BRPF3: variants seen among roughly 807,000 people sequenced by gnomAD.
The protein encoded by BRPF3 is bromodomain and PHD finger-containing protein 3.
Under a neutral mutation model 102.0 loss-of-function variants are expected in BRPF3, and 18 were observed. That is an observed-to-expected ratio of 0.18 (90% CI 0.12 to 0.26). BRPF3 has a LOEUF of 0.26. Ranked by LOEUF, BRPF3 falls within the 10% of genes least tolerant of loss-of-function variation. The pLI, the probability that BRPF3 is intolerant of heterozygous loss-of-function variation, is 1.00. For synonymous variants in BRPF3, 570 were observed against 614.2 expected, an observed-to-expected ratio of 0.93 and a Z score of 1.06; for missense variants, 1,147 against 1,567.8, an observed-to-expected ratio of 0.73 and a Z score of 4.53.
chr6:36,218,370 G>T (rs1397797134), intron 9 of BRPF3, among the ~76,000 whole-genome samples: 1 of 152,050 alleles, frequency 6.6e-6, no homozygotes, highest in Non-Finnish European at 1.5e-5. Flanking sequence ...TACAGAGTTG[G>T]TTTTGCTCTT....
intron 10 of BRPF3, among the ~76,000 whole-genome samples, chr6:36,224,021 T>C (rs1050726360): frequency 2.0e-5 from 3 of 152,206 alleles, no homozygotes; most frequent in Non-Finnish European, 2.9e-5. Flanking sequence ...CTGCTATTGA[T>C]TCAATAGGTG....
At chr6:36,226,219 CAA>C (rs1768735333) in intron 11 of BRPF3, among the ~76,000 whole-genome samples, 1 of 152,198 alleles carries the variant, frequency 6.6e-6, no homozygotes, top group African/African-American at 2.4e-5. Flanking sequence ...CTTCTTGGGG[CAA>C]AGTCTATGCA....
At chr6:36,197,284 T>C (rs1198178873) in intron 1 of BRPF3, 1 of 151,692 alleles carries the variant, frequency 6.6e-6, no homozygotes, top group African/African-American at 2.4e-5. Flanking sequence ...TCCCGCCCCT[T>C]GAGCGGCCCT....
chr6:36,213,704 GAA>G (rs60749841), intron 7 of BRPF3, among the ~76,000 whole-genome samples, 174 bp from the exon 8 acceptor site: 1 of 135,298 alleles, frequency 7.4e-6, no homozygotes, highest in Non-Finnish European at 1.6e-5. Context: ...TCCTGTCTCT[GAA>G]AAAAAAAAAA....
intron 8 of BRPF3, among the ~76,000 whole-genome samples, chr6:36,216,363 G>A (rs1292934190): frequency 1.3e-5 from 2 of 152,198 alleles, no homozygotes; most frequent in African/African-American, 2.4e-5. Flanking sequence ...CTCTGTACAT[G>A]AGGCCCATCC....
chr6:36,214,150 C>T lies in BRPF3; in HGVS notation c.2753C>T (p.Thr918Ile), dbSNP rs1195562080. 1.2e-6 allele frequency: 2 copies of T among 1,614,198 alleles called. No individual in the cohort carries two copies. The highest frequency in any genetic ancestry group is 8.5e-7 in the Non-Finnish European group (1 of 1,180,040). The change falls in exon 8 of 13, where the codon ACC (threonine) becomes ATC (isoleucine). Residue 918 changes from threonine (T) to isoleucine (I), a missense_variant. Transcript: ENST00000357641. ...SLMAPDTPAGTPLSGVGRRTS... is the reference protein window; with the variant it reads ...SLMAPDTPAGIPLSGVGRRTS... ...ATGGCCCCTGACACCCCGGCCGGTA[C>T]CCCACTTAGTGGTGTGGGTCGCCGC...
intron 9 of BRPF3, among the ~76,000 whole-genome samples, chr6:36,219,024 C>T (rs576852392): frequency 7.9e-5 from 12 of 152,292 alleles, no homozygotes; most frequent in Non-Finnish European, 1.8e-4. Context: ...AATGTCATGG[C>T]CCCACCCATG....
In BRPF3 at chr6:36,232,664, A is replaced by G. The variant is rs905660427; in HGVS notation, c.*2055A>G. The G allele has an allele frequency of 5.2e-5, 8 of 152,668 alleles. No homozygotes were observed. Among genetic ancestry groups the G allele is most frequent in the African/African-American group, 1.9e-4 (8 of 41,458 alleles). The allele number at this position is 152,668 out of a possible 1,614,324, so 9.5% of individuals were successfully genotyped here. A position where few individuals can be genotyped will look rare whatever the true frequency, so the allele number is the denominator to read the frequency against. ...TCTAGAATTGTTTATAACAGATGGT[A>G]TAAGAGAGGTAATAAACAGAGAAAA... On this transcript the variant is annotated 3_prime_UTR_variant, in exon 13 of 13. Coordinates refer to ENST00000357641, the MANE Select transcript of BRPF3 (RefSeq NM_015695.3).
intron 7 of BRPF3, among the ~76,000 whole-genome samples, chr6:36,212,696 G>C (rs1026972823): frequency 6.6e-6 from 1 of 152,042 alleles, no homozygotes; most frequent in Non-Finnish European, 1.5e-5. Flanking sequence ...GCTCACGCCT[G>C]TAATCCCAGC....
In BRPF3 at chr6:36,217,822, G is replaced by A. The variant is rs188343969; in HGVS notation, c.2990-95G>A. On this transcript the variant is annotated intron_variant, in intron 8 of 12. Coordinates refer to ENST00000357641, the MANE Select transcript of BRPF3 (RefSeq NM_015695.3). ...AAAGGAATAGCCATCCTCTCCACTC[G>A]TCACTGAGCCCTCCTGAGGTGGCTG... 99 of 941,564 alleles carry A rather than the reference G, an allele frequency of 1.1e-4. 1 individual carries two copies. Among genetic ancestry groups the A allele is most frequent in the African/African-American group, 3.4e-5 (2 of 59,692 alleles). 58.3% of individuals were successfully genotyped at this position (941,564 alleles called of 1,614,324 possible). A position where few individuals can be genotyped will look rare whatever the true frequency, so the allele number is the denominator to read the frequency against.
chr6:36,197,703 T>G (rs896793424), intron 1 of BRPF3: 3 of 151,962 alleles, frequency 2.0e-5, no homozygotes, highest in African/African-American at 7.3e-5. Context: ...GGTGTGTATG[T>G]GGGAAGGGCT....
chr6:36,202,328 G>C (rs1034096039), intron 2 of BRPF3, among the ~76,000 whole-genome samples: 6 of 151,754 alleles, frequency 4.0e-5, no homozygotes, highest in South Asian at 2.1e-4. Context: ...GGTGTGGAGA[G>C]AACATGCTAT....
intron 7 of BRPF3, 72 bp downstream of exon 7, chr6:36,211,632 AT>A (rs777808697): frequency 3.4e-6 from 5 of 1,488,900 alleles, no homozygotes; most frequent in Non-Finnish European, 4.5e-6. Context: ...AAATATCATA[AT>A]GGGGGTATTC....
chr6:36,223,709 A>G (rs1768633311), intron 10 of BRPF3, among the ~76,000 whole-genome samples: 2 of 152,048 alleles, frequency 1.3e-5, no homozygotes, highest in African/African-American at 4.8e-5. Flanking sequence ...TTACTTAACC[A>G]TTCTATTGTT....
In BRPF3 at chr6:36,208,196, T is replaced by C. The variant is rs527622858; in HGVS notation, c.1737+752T>C. 7.5e-4 allele frequency among the ~76,000 whole-genome samples: 114 copies of C among 152,348 alleles called. 1 individual carries two copies. Among genetic ancestry groups the C allele is most frequent in the African/African-American group, 2.5e-3 (106 of 41,584 alleles). On this transcript the variant is annotated intron_variant, in intron 4 of 12. Coordinates refer to ENST00000357641, the MANE Select transcript of BRPF3 (RefSeq NM_015695.3). ...TGTCAGCTGCTGTCATTATTATTAT[T>C]ATCAATACTCTTTGCTTCTCTGAAG...
intron 11 of BRPF3, 133 bp from the exon 12 acceptor site, chr6:36,228,769 T>TCTGGA: frequency 9.6e-7 from 1 of 1,036,422 alleles, no homozygotes; most frequent in Non-Finnish European, 1.4e-6. Flanking sequence ...GCCTGTCTGG[T>TCTGGA]CTGGACATCA....
intron 2 of BRPF3, among the ~76,000 whole-genome samples, chr6:36,202,560 CAG>C (rs1419155537): frequency 6.6e-6 from 1 of 152,012 alleles, no homozygotes; most frequent in Non-Finnish European, 1.5e-5. Context: ...AGACTCATCT[CAG>C]GGGTGGTGTT....
chr6:36,222,398 G>A, intron 10 of BRPF3, 133 bp downstream of exon 10: 2 of 714,516 alleles, frequency 2.8e-6, no homozygotes, highest in Non-Finnish European at 4.7e-6. Flanking sequence ...GGGCCCTTGG[G>A]CAGGGAGATG....
In BRPF3 at chr6:36,213,272, A is replaced by G. The variant is rs144862504; in HGVS notation, c.2483-608A>G. Among the ~76,000 whole-genome samples the G allele has an allele frequency of 2.5e-3, 381 of 152,370 alleles. 3 individuals carry two copies. The highest frequency in any genetic ancestry group is 8.2e-3 in the African/African-American group (342 of 41,582). On this transcript the variant is annotated intron_variant, in intron 7 of 12. Coordinates refer to ENST00000357641, the MANE Select transcript of BRPF3 (RefSeq NM_015695.3). Reference sequence around the variant, plus strand: ...CACTTGGTAAGCTTTAAAAAACAAAATACCCTATCTTTACAAATTTGGTTT... The same window carrying G: ...CACTTGGTAAGCTTTAAAAAACAAAGTACCCTATCTTTACAAATTTGGTTT...
Sources: gnomAD v4.1 joint callset for allele counts (sites outside exome capture counted in the v4.1 genomes callset) on GRCh38, gnomAD v4.1.1 for gene constraint, MANE v1.5 for transcripts, NCBI Gene and HGNC (gene_info 2026-07-23, HGNC 2026-07-21) for gene names.